The following KIF18A variants were observed in gnomAD, a reference collection of about 807,000 sequenced individuals.
The protein encoded by KIF18A is kinesin family member 18A.
KIF18A carries 67 observed loss-of-function variants against 103.3 expected under a neutral mutation model. The observed-to-expected ratio is 0.65, with a 90% CI of 0.53 to 0.79. KIF18A has a LOEUF of 0.79. KIF18A is among the 30% of genes least tolerant of loss of function. The probability of loss-of-function intolerance (pLI) is 0.00; values close to 1 mark genes in which losing one functional copy is unlikely to be tolerated. For synonymous variants in KIF18A, 367 were observed against 355.5 expected (o/e 1.03, Z -0.36); for missense variants, 1,032 against 1,062.5 (o/e 0.97, Z 0.40).
At chr11:28,033,435 A>G (rs1850437385) in intron 15 of KIF18A, among the ~76,000 whole-genome samples, 2 of 151,754 alleles carry the variant, frequency 1.3e-5, no homozygotes, top group African/African-American at 4.8e-5. Flanking sequence ...ACTACTCACA[A>G]TAGCCAAGAT....
At chr11:28,036,759 G>T in intron 13 of KIF18A, 95 bp from the exon 14 acceptor site, 1 of 652,928 alleles carries the variant, frequency 1.5e-6, no homozygotes, top group Non-Finnish European at 2.4e-6. Context: ...TAATAATAAG[G>T]TATTTTTATG....
Position 28,090,741 on chromosome 11 carries a change from A to G in KIF18A, c.589-14T>C, listed in dbSNP as rs1306397810. On this transcript the variant is annotated splice_polypyrimidine_tract_variant and intron_variant, in intron 4 of 16. Coordinates refer to ENST00000263181, the MANE Select transcript of KIF18A (RefSeq NM_031217.4). Reference sequence around the variant, plus strand: ...TGAGGATTTGGGCTGGAGAAGTTTAAGTAGAAGCAAAATTTAAAAATCAGC... The same window carrying G: ...TGAGGATTTGGGCTGGAGAAGTTTAGGTAGAAGCAAAATTTAAAAATCAGC... 1.5e-6 allele frequency: 2 copies of G among 1,313,662 alleles called. No individual in the cohort carries two copies. The highest frequency in any genetic ancestry group is 3.7e-5 in the Admixed American group (2 of 54,764). The allele number at this position is 1,313,662 out of a possible 1,614,324, so 81.4% of individuals were successfully genotyped here.
At chr11:28,070,140 T>A (rs910931219) in intron 10 of KIF18A, among the ~76,000 whole-genome samples, 1 of 152,108 alleles carries the variant, frequency 6.6e-6, no homozygotes, top group African/African-American at 2.4e-5. Context: ...TCAGATAGGA[T>A]GGGTAGACCT....
Position 28,088,695 on chromosome 11 carries a change from T to C in KIF18A, c.726A>G (p.Thr242=), listed in dbSNP as rs1208254317. Residue 242 remains threonine (T), a synonymous_variant, in exon 6 of 17, where the codon ACA becomes ACG. Transcript: ENST00000263181. ...TACGGACATTTTGATTGATACTTGC[T>C]GTTTTGTCTTGTTGTCGCAAGTAAA... ...FQIYLRQQDK[T]ASINQNVRIA... 1.2e-6 allele frequency: 2 copies of C among 1,613,890 alleles called. No homozygotes were observed. The highest frequency in any genetic ancestry group is 1.7e-6 in the Non-Finnish European group (2 of 1,179,830).
intron 13 of KIF18A, among the ~76,000 whole-genome samples, chr11:28,055,793 G>T (rs1034093691): frequency 3.3e-5 from 5 of 152,036 alleles, no homozygotes; most frequent in African/African-American, 1.2e-4. Flanking sequence ...TACCTGACTG[G>T]CACACAAAAA....
intron 15 of KIF18A, among the ~76,000 whole-genome samples, chr11:28,031,677 TA>T (rs372568437): frequency 1.4e-3 from 179 of 130,988 alleles, no homozygotes; most frequent in African/African-American, 2.8e-3. Flanking sequence ...ACTTAAAGCA[TA>T]AAAAAAAAAA....
chr11:28,030,172 A>T (rs1270547191), intron 15 of KIF18A, among the ~76,000 whole-genome samples: 2 of 135,228 alleles, frequency 1.5e-5, no homozygotes, highest in African/African-American at 5.8e-5. Flanking sequence ...CAGAATTGGA[A>T]AAGACTACTT....
At chr11:28,039,367 C>T (rs1310188841) in intron 13 of KIF18A, among the ~76,000 whole-genome samples, 1 of 151,676 alleles carries the variant, frequency 6.6e-6, no homozygotes, top group Non-Finnish European at 1.5e-5. Flanking sequence ...ATATAAACCA[C>T]AGGTATTATT....
intron 6 of KIF18A, 79 bp from the exon 7 acceptor site, chr11:28,084,887 G>A (rs146711050): frequency 2.8e-5 from 31 of 1,097,048 alleles, no homozygotes; most frequent in African/African-American, 4.7e-5. Flanking sequence ...ACTTCACTGT[G>A]GGGGGAGGAT....
intron 7 of KIF18A, among the ~76,000 whole-genome samples, chr11:28,084,017 T>C (rs933476883): frequency 6.6e-6 from 1 of 152,114 alleles, no homozygotes; most frequent in African/African-American, 2.4e-5. Flanking sequence ...AATTTAAACA[T>C]ACATATTTTG....
intron 1 of KIF18A, among the ~76,000 whole-genome samples, chr11:28,102,850 C>G (rs997525739): frequency 6.6e-6 from 1 of 152,112 alleles, no homozygotes; most frequent in Non-Finnish European, 1.5e-5. Flanking sequence ...TTATGTGGTG[C>G]CTTCTTTGTT....
chr11:28,035,937 C>G (rs1262562823), intron 14 of KIF18A, among the ~76,000 whole-genome samples: 2 of 151,494 alleles, frequency 1.3e-5, no homozygotes, highest in African/African-American at 4.8e-5. Flanking sequence ...CCAACAATAG[C>G]TTGTATAATC....
Position 28,036,381 on chromosome 11 carries a change from A to C in KIF18A, c.2232T>G (p.Cys744Trp). 6.2e-7 allele frequency: 1 copy of C among 1,611,250 alleles called. No homozygotes were observed. Among genetic ancestry groups the C allele is most frequent in the Non-Finnish European group, 8.5e-7 (1 of 1,178,220 alleles). ...TAGCTACTTCACACAACATTTTCAG[A>C]CAATTATCACTGTTTATGTTTGAGC... ...AISSNINSDN[C>W]LKMLCEVAIP... Residue 744 changes from cysteine (C) to tryptophan (W), a missense_variant, in exon 14 of 17, where the codon TGT becomes TGG. Physicochemically the swap from Cys to Trp is radical, Grantham distance 215. Transcript: ENST00000263181.
intron 13 of KIF18A, among the ~76,000 whole-genome samples, chr11:28,048,924 T>A (rs1254128840): frequency 6.6e-6 from 1 of 152,048 alleles, no homozygotes. Context: ...GAAATCATGA[T>A]AACAGAAGGT....
chr11:28,050,038 T>C (rs1850692642), intron 13 of KIF18A, among the ~76,000 whole-genome samples: 2 of 151,848 alleles, frequency 1.3e-5, no homozygotes, highest in African/African-American at 2.4e-5. Context: ...TAGGGAACTA[T>C]TGTCCTAATA....
chr11:28,059,045 C>A lies in KIF18A; in HGVS notation c.1829G>T (p.Arg610Met). ...GTCAGCCCAAACTACCACTTTTTTC[C>A]TCTCTACCAAATGTTCGATCTCTTT... ...DFKEIEHLVE[R>M]KKVVVWADQT... The change falls in exon 13 of 17, where the codon AGG (arginine) becomes ATG (methionine). Residue 610 changes from arginine to methionine, a missense_variant. Physicochemically the swap from Arg to Met is moderately conservative, Grantham distance 91. Transcript: ENST00000263181. 6.2e-7 allele frequency: 1 copy of A among 1,614,028 alleles called. No individual in the cohort carries two copies. Among genetic ancestry groups the A allele is most frequent in the East Asian group, 2.2e-5 (1 of 44,862 alleles).
intron 15 of KIF18A, among the ~76,000 whole-genome samples, chr11:28,028,127 A>G (rs1850344417): frequency 6.6e-6 from 1 of 152,014 alleles, no homozygotes; most frequent in African/African-American, 2.4e-5. Flanking sequence ...CTGAAAAAGT[A>G]TTTGATAAAA....
At chr11:28,064,020 G>C (rs1850886690) in intron 11 of KIF18A, among the ~76,000 whole-genome samples, 2 of 151,578 alleles carry the variant, frequency 1.3e-5, no homozygotes, top group African/African-American at 4.8e-5. Flanking sequence ...GACTATGACA[G>C]AGAACAATGT....
intron 9 of KIF18A, among the ~76,000 whole-genome samples, chr11:28,080,152 G>A (rs947890500): frequency 3.9e-5 from 6 of 152,164 alleles, no homozygotes; most frequent in Non-Finnish European, 5.9e-5. Context: ...ATTAAACTAA[G>A]TCTACAGGGT....
Sources: allele counts gnomAD v4.1 joint callset (sites outside exome capture counted in the v4.1 genomes callset), GRCh38; gene constraint gnomAD v4.1.1; transcripts MANE v1.5; gene names NCBI Gene and HGNC (gene_info 2026-07-23, HGNC 2026-07-21).